Variants in SLC45A2 observed in about 807,000 individuals in gnomAD.
The protein encoded by SLC45A2 is membrane-associated transporter protein.
Under a neutral mutation model 45.5 loss-of-function variants are expected in SLC45A2, and 36 were observed. The ratio of observed to expected loss-of-function variants is 0.79; its 90% CI spans 0.61 to 1.04. SLC45A2 has a LOEUF of 1.04. SLC45A2 is among the 50% of genes least tolerant of loss of function. SLC45A2 has a pLI of 0.00. For synonymous variants in SLC45A2, 306 were observed against 269.3 expected (o/e 1.14, Z -1.33); for missense variants, 719 against 671.0 (o/e 1.07, Z -0.79).
intron 2 of SLC45A2, chr5:33,971,563 G>A (rs868645187): frequency 7.2e-5 from 17 of 237,208 alleles, no homozygotes; most frequent in African/African-American, 9.3e-5. Context: ...CTCAGCCTCC[G>A]GAGTGGCTCA....
intron 2 of SLC45A2, among the ~76,000 whole-genome samples, chr5:33,973,664 G>T (rs762002812): frequency 2.1e-4 from 32 of 152,216 alleles, no homozygotes; most frequent in Admixed American, 1.6e-3. Flanking sequence ...AAAGTTAAAA[G>T]AAGTTGATAT....
intron 5 of SLC45A2, among the ~76,000 whole-genome samples, chr5:33,950,980 C>G (rs1752079808): frequency 6.6e-6 from 1 of 152,188 alleles, no homozygotes; most frequent in African/African-American, 2.4e-5. Context: ...GCAGAAATCC[C>G]TTTGTTCAGT....
intron 1 of SLC45A2, among the ~76,000 whole-genome samples, chr5:33,983,825 C>T (rs1753151893): frequency 6.6e-6 from 1 of 152,146 alleles, no homozygotes; most frequent in Non-Finnish European, 1.5e-5. Context: ...ATTTATGGAG[C>T]TATTTGGCAG....
At chr5:33,970,187 T>G (rs1273839580) in intron 2 of SLC45A2, among the ~76,000 whole-genome samples, 1 of 152,126 alleles carries the variant, frequency 6.6e-6, no homozygotes, top group Non-Finnish European at 1.5e-5. Context: ...AGTGACCAAA[T>G]CTAAGCCAGC....
intron 2 of SLC45A2, chr5:33,970,857 C>A (rs1752756266): frequency 6.1e-6 from 2 of 327,386 alleles, no homozygotes; most frequent in Non-Finnish European, 1.2e-5. Flanking sequence ...AATAGCACTT[C>A]TCATCATGGT....
rs756478014 is a variant in SLC45A2, at chr5:33,964,034, CTA to C, written c.563-20_563-19del. On this transcript the variant is annotated intron_variant, in intron 2 of 6. Coordinates refer to ENST00000296589, the MANE Select transcript of SLC45A2 (RefSeq NM_016180.5). Reference sequence around the variant, plus strand: ...TCCAAAACCTGGAAAGCAAGAAAAGCTATGTTAGCATATTTAGCAAATTATCG... The same window carrying C: ...TCCAAAACCTGGAAAGCAAGAAAAGCTGTTAGCATATTTAGCAAATTATCG... The C allele has an allele frequency of 5.6e-6, 9 of 1,612,104 alleles. No homozygotes were observed. In the African/African-American group the frequency reaches 1.2e-4, roughly 21 times the overall value.
At chr5:33,981,030 C>T (rs1030387961) in intron 2 of SLC45A2, among the ~76,000 whole-genome samples, 1 of 152,072 alleles carries the variant, frequency 6.6e-6, no homozygotes, top group Non-Finnish European at 1.5e-5. Context: ...TGGGAGCACC[C>T]GAGTGAGGAG....
chr5:33,963,517 T>C (rs1327941401), intron 3 of SLC45A2, 174 bp downstream of exon 3: 4 of 696,936 alleles, frequency 5.7e-6, no homozygotes, highest in South Asian at 1.8e-5. Flanking sequence ...ACATTTTTCT[T>C]TGAGATATAA....
intron 2 of SLC45A2, among the ~76,000 whole-genome samples, chr5:33,973,957 A>T (rs1752855437): frequency 6.6e-6 from 1 of 152,250 alleles, no homozygotes; most frequent in Non-Finnish European, 1.5e-5. Flanking sequence ...TGCAGTGAAT[A>T]GGAGGAACCA....
intron 2 of SLC45A2, among the ~76,000 whole-genome samples, chr5:33,967,750 T>C (rs1313777898): frequency 6.6e-6 from 1 of 151,288 alleles, no homozygotes; most frequent in African/African-American, 2.4e-5. Context: ...GTTAACCAGG[T>C]TCATATTTAG....
At chr5:33,980,762 G>A (rs1292726734) in intron 2 of SLC45A2, among the ~76,000 whole-genome samples, 1 of 152,146 alleles carries the variant, frequency 6.6e-6, no homozygotes, top group Non-Finnish European at 1.5e-5. Flanking sequence ...AGTTAGTCTG[G>A]TATTGATAAG....
Position 33,984,600 on chromosome 5 carries a change from A to C in SLC45A2, c.-17T>G. On this transcript the variant is annotated 5_prime_UTR_variant, in exon 1 of 7. Coordinates refer to ENST00000296589, the MANE Select transcript of SLC45A2 (RefSeq NM_016180.5). The stretch of plus-strand genomic sequence containing the variant: ...GCTACCCATGGCCACTGGGAGAGGA[A>C]CCTTCCTGCGAGCCCACCACCTCCT... The C allele has an allele frequency of 2.5e-6, 4 of 1,606,888 alleles. No individual in the cohort carries two copies. Among genetic ancestry groups the C allele is most frequent in the Non-Finnish European group, 3.4e-6 (4 of 1,179,926 alleles).
chr5:33,954,277 G>A (rs978225039), intron 4 of SLC45A2, 84 bp downstream of exon 4: 1 of 1,579,072 alleles, frequency 6.3e-7, no homozygotes, highest in Non-Finnish European at 8.7e-7. Context: ...GCCAATCTTA[G>A]AGGATAGCCC....
intron 4 of SLC45A2, 67 bp downstream of exon 4, chr5:33,954,294 A>G: frequency 6.2e-7 from 1 of 1,605,224 alleles, no homozygotes. Flanking sequence ...GCCCAGAAGA[A>G]CCTCAACAGG....
At chr5:33,983,413 A>C (rs1579563531) in intron 1 of SLC45A2, among the ~76,000 whole-genome samples, 1 of 152,212 alleles carries the variant, frequency 6.6e-6, no homozygotes, top group East Asian at 1.9e-4. Context: ...AATCCTCCTT[A>C]GAGTCAACAA....
intron 2 of SLC45A2, among the ~76,000 whole-genome samples, chr5:33,978,397 C>G (rs1752988412): frequency 6.6e-6 from 1 of 151,966 alleles, no homozygotes; most frequent in Non-Finnish European, 1.5e-5. Flanking sequence ...GATTTTTTTT[C>G]CTGTAGAGAA....
At chr5:33,953,181 A>G (rs1296472641) in intron 4 of SLC45A2, among the ~76,000 whole-genome samples, 2 of 149,878 alleles carry the variant, frequency 1.3e-5, no homozygotes, top group Non-Finnish European at 1.5e-5. Flanking sequence ...TATAGACAGC[A>G]TGATTTATAG....
intron 3 of SLC45A2, among the ~76,000 whole-genome samples, chr5:33,962,213 C>T (rs901306572): frequency 5.3e-5 from 8 of 152,152 alleles, no homozygotes; most frequent in Non-Finnish European, 1.0e-4. Context: ...GCATATGCCA[C>T]GTGTTAGGCT....
At chr5:33,945,591 G>A (rs1235020357) in intron 6 of SLC45A2, among the ~76,000 whole-genome samples, 2 of 151,878 alleles carry the variant, frequency 1.3e-5, no homozygotes, top group Non-Finnish European at 2.9e-5. Context: ...CTCCCTGGAT[G>A]CACATGTTAT....
Sources: gnomAD v4.1 joint callset for allele counts (sites outside exome capture counted in the v4.1 genomes callset) on GRCh38, gnomAD v4.1.1 for gene constraint, MANE v1.5 for transcripts, NCBI Gene and HGNC (gene_info 2026-07-23, HGNC 2026-07-21) for gene names.